Variants in SEC22B observed in about 807,000 individuals in gnomAD.
SEC22B encodes the protein vesicle-trafficking protein SEC22b.
SEC22B carries 10 observed loss-of-function variants against 31.4 expected under a neutral mutation model. The observed-to-expected ratio is 0.32, with a 90% CI of 0.20 to 0.54. SEC22B has a LOEUF of 0.54. SEC22B is among the 20% of genes least tolerant of loss of function. The probability of loss-of-function intolerance (pLI) is 0.94; values close to 1 mark genes in which losing one functional copy is unlikely to be tolerated. For missense variants in SEC22B, 130 were observed against 263.4 expected (o/e 0.49, Z 3.50); for synonymous variants, 60 against 95.9 (o/e 0.63, Z 2.19).
rs1470625122 is a variant in SEC22B, at chr1:120,175,706, C to G, written c.75+601G>C. 2.0e-5 allele frequency among the ~76,000 whole-genome samples: 3 copies of G among 152,146 alleles called. No individual in the cohort carries two copies. In the East Asian group the frequency reaches 5.8e-4, roughly 29 times the overall value. On this transcript the variant is annotated intron_variant, in intron 1 of 4. Transcript: ENST00000578049. Reference sequence around the variant, plus strand: ...GAGATGATTAAGACCCGTCGTTTGCCCGCTAGGAAACTCAAGTTATTGAAA... The same window carrying G: ...GAGATGATTAAGACCCGTCGTTTGCGCGCTAGGAAACTCAAGTTATTGAAA...
At chr1:120,159,365 G>A (rs1379874778) in intron 4 of SEC22B, 1 of 152,050 alleles carries the variant, frequency 6.6e-6, no homozygotes, top group Non-Finnish European at 1.5e-5. Flanking sequence ...AGGAGATGGT[G>A]GTTGCAGTGA....
chr1:120,166,430 C>CACA (rs1657810287), intron 2 of SEC22B, among the ~76,000 whole-genome samples: 1 of 150,088 alleles, frequency 6.7e-6, no homozygotes, highest in African/African-American at 2.5e-5. Context: ...CACACACACA[C>CACA]CATGGAATAC....
In SEC22B at chr1:120,168,797, T is replaced by C; in HGVS notation, c.185+43A>G. On this transcript the variant is annotated intron_variant, in intron 2 of 4. Transcript: ENST00000578049. ...TTTTTTATCAGGCATTCTGTTACTG[T>C]ATTTCACTTAAATGATCATAAAGAA... The C allele has an allele frequency of 6.7e-6, 5 of 751,098 alleles. 1 individual carries two copies. In the South Asian group the frequency reaches 1.8e-4, roughly 28 times the overall value. The allele number at this position is 751,098 out of a possible 1,614,324, so 46.5% of individuals were successfully genotyped here.
rs1657636386 is a variant in SEC22B at position 120,156,861 on chromosome 1, T to G, written c.*177A>C. 4.9e-6 allele frequency: 2 copies of G among 410,718 alleles called. No individual in the cohort carries two copies. Among genetic ancestry groups the G allele is most frequent in the Non-Finnish European group, 8.5e-6 (2 of 234,342 alleles). 25.4% of individuals were successfully genotyped at this position (410,718 alleles called of 1,614,324 possible). ...CCGAAAGAGACTTTCTACATAGGGTTAAGCTTCATTAAATGAGGTGCAACC... is the reference window on the plus strand; with the variant it reads ...CCGAAAGAGACTTTCTACATAGGGTGAAGCTTCATTAAATGAGGTGCAACC... On this transcript the variant is annotated 3_prime_UTR_variant, in exon 5 of 5. Coordinates refer to ENST00000578049, the MANE Select transcript of SEC22B (RefSeq NM_004892.6).
In SEC22B at chr1:120,153,150, G is replaced by C. The variant is rs1657572982; in HGVS notation, c.*3888C>G. The C allele has an allele frequency of 6.6e-6, 1 of 151,830 alleles. No homozygotes were observed. The highest frequency in any genetic ancestry group is 6.6e-5 in the Admixed American group (1 of 15,258). The allele number at this position is 151,830 out of a possible 1,614,324, so 9.4% of individuals were successfully genotyped here. A position where few individuals can be genotyped will look rare whatever the true frequency, so the allele number is the denominator to read the frequency against. On this transcript the variant is annotated 3_prime_UTR_variant, in exon 5 of 5. Transcript: ENST00000578049. ...GGTCAACGCTGCCTGACAGTAATAA[G>C]AATAGGATGTGAGATTCAATATGCT...
chr1:120,175,569 A>G, intron 1 of SEC22B, among the ~76,000 whole-genome samples: 1 of 152,192 alleles, frequency 6.6e-6, no homozygotes, highest in Non-Finnish European at 1.5e-5. Flanking sequence ...TCTAAAACAC[A>G]AAACATCTTT....
intron 3 of SEC22B, among the ~76,000 whole-genome samples, chr1:120,160,964 A>T (rs1297463506): frequency 2.0e-5 from 3 of 152,208 alleles, no homozygotes; most frequent in Middle Eastern, 3.4e-3. Flanking sequence ...GGTTAACCAA[A>T]CTCTTGGTTG....
In SEC22B at chr1:120,176,481, C is replaced by A; in HGVS notation, c.-100G>T. ...CAGTTATACCCTATGTCTCAGTTAC[C>A]GGAGATCCAGCTGCTTGCGTCTCCG... On this transcript the variant is annotated 5_prime_UTR_variant, in exon 1 of 5. Coordinates refer to ENST00000578049, the MANE Select transcript of SEC22B (RefSeq NM_004892.6). The A allele has an allele frequency of 9.3e-7, 1 of 1,071,254 alleles. No homozygotes were observed. 66.4% of individuals were successfully genotyped at this position (1,071,254 alleles called of 1,614,324 possible). A position where few individuals can be genotyped will look rare whatever the true frequency, so the allele number is the denominator to read the frequency against.
chr1:120,159,866 A>T (rs1657685259), intron 4 of SEC22B, among the ~76,000 whole-genome samples: 1 of 151,882 alleles, frequency 6.6e-6, no homozygotes, highest in African/African-American at 2.4e-5. Flanking sequence ...CTTATTTTCC[A>T]TATGTAGAGC....
rs1350129994 is a variant in SEC22B at position 120,151,859 on chromosome 1, A to C, written c.*5179T>G. The C allele has an allele frequency of 6.6e-6, 1 of 151,514 alleles. No homozygotes were observed. The highest frequency in any genetic ancestry group is 1.5e-5 in the Non-Finnish European group (1 of 67,960). The allele number at this position is 151,514 out of a possible 1,614,324, so 9.4% of individuals were successfully genotyped here. A position where few individuals can be genotyped will look rare whatever the true frequency, so the allele number is the denominator to read the frequency against. On this transcript the variant is annotated 3_prime_UTR_variant, in exon 5 of 5. Coordinates refer to ENST00000578049, the MANE Select transcript of SEC22B (RefSeq NM_004892.6). ...AGTTATATTAAAAAATTTTTGGTTA[A>C]TAGTCTAGTTAGAGGTGAAAGAAGA...
In SEC22B at chr1:120,163,346, A is replaced by G. The variant is rs1657749871; in HGVS notation, c.210T>C (p.Cys70=). The G allele has an allele frequency of 1.2e-6, 2 of 1,604,694 alleles. No homozygotes were observed. The highest frequency in any genetic ancestry group is 2.2e-5 in the East Asian group (1 of 44,580). Residue 70 remains cysteine, a synonymous_variant, in exon 3 of 5, where the codon TGT becomes TGC. Transcript: ENST00000578049. ...TFHYIIEQGV[C]YLVLCEAAFP... is the part of the protein sequence containing the mutation. ...AGGCAGCTTCACATAAAACCAAATA[A>G]CACACCCCCTGCTCAATAATGTAGC...
At chr1:120,163,945 C>CTCTCTTTTTT (rs1246293032) in intron 2 of SEC22B, among the ~76,000 whole-genome samples, 1 of 68,934 alleles carries the variant, frequency 1.5e-5, no homozygotes, top group African/African-American at 6.5e-5. Context: ...ATTAGATTCT[C>CTCTCTTTTTT]TTTTTTTTTT....
At chr1:120,157,279 T>C in intron 4 of SEC22B, 87 bp from the exon 5 acceptor site, 1 of 950,272 alleles carries the variant, frequency 1.1e-6, no homozygotes, top group South Asian at 3.0e-5. Flanking sequence ...TGAGCAGCAC[T>C]GCAACAACCA....
In SEC22B at chr1:120,151,498, T is replaced by C. The variant is rs1657537794; in HGVS notation, c.*5540A>G. On this transcript the variant is annotated 3_prime_UTR_variant, in exon 5 of 5. Coordinates refer to ENST00000578049, the MANE Select transcript of SEC22B (RefSeq NM_004892.6). ...GAGTTCAAGACGGTGAAACTCCATCTCTACTAAAAATACAAAAATTAGCCA... is the reference window on the plus strand; with the variant it reads ...GAGTTCAAGACGGTGAAACTCCATCCCTACTAAAAATACAAAAATTAGCCA... 1 of 152,134 alleles carries C rather than the reference T, an allele frequency of 6.6e-6. No individual in the cohort carries two copies. The highest frequency in any genetic ancestry group is 1.5e-5 in the Non-Finnish European group (1 of 68,070). 9.4% of individuals were successfully genotyped at this position (152,134 alleles called of 1,614,324 possible). A position where few individuals can be genotyped will look rare whatever the true frequency, so the allele number is the denominator to read the frequency against.
Position 120,155,813 on chromosome 1 carries a change from C to T in SEC22B, c.*1225G>A, listed in dbSNP as rs1189285541. The T allele has an allele frequency of 6.6e-6, 1 of 151,914 alleles. No individual in the cohort carries two copies. Among genetic ancestry groups the T allele is most frequent in the East Asian group, 1.9e-4 (1 of 5,186 alleles). 9.4% of individuals were successfully genotyped at this position (151,914 alleles called of 1,614,324 possible). A position where few individuals can be genotyped will look rare whatever the true frequency, so the allele number is the denominator to read the frequency against. On this transcript the variant is annotated 3_prime_UTR_variant, in exon 5 of 5. Coordinates refer to ENST00000578049, the MANE Select transcript of SEC22B (RefSeq NM_004892.6). ...AGGTAAAAGGAAATCTCCATCATCC[C>T]TGAGCAGAAAAGGAAAAAATCATGG...
chr1:120,163,486 T>C (rs1657752308), intron 2 of SEC22B, 116 bp from the exon 3 acceptor site: 1 of 532,660 alleles, frequency 1.9e-6, no homozygotes. Context: ...CTAAATACTT[T>C]GAGGCTGGCT....
intron 1 of SEC22B, among the ~76,000 whole-genome samples, chr1:120,170,544 C>T (rs1303268980): frequency 1.3e-5 from 2 of 151,478 alleles, no homozygotes; most frequent in Non-Finnish European, 2.9e-5. Context: ...TGAGGTGAAC[C>T]AGGGGAGATA....
intron 3 of SEC22B, among the ~76,000 whole-genome samples, chr1:120,160,897 CAA>C (rs1358538530): frequency 1.3e-4 from 18 of 137,854 alleles, no homozygotes; most frequent in African/African-American, 4.3e-4. Flanking sequence ...GTCTCAAAAA[CAA>C]AAAAAAAAAA....
intron 3 of SEC22B, among the ~76,000 whole-genome samples, chr1:120,162,007 G>A (rs1382250282): frequency 1.4e-5 from 2 of 140,538 alleles, no homozygotes; most frequent in Admixed American, 6.8e-5. Context: ...CAGACAGTGA[G>A]TGATGTCCGG....
Sources: allele counts gnomAD v4.1 joint callset (sites outside exome capture counted in the v4.1 genomes callset), GRCh38; gene constraint gnomAD v4.1.1; transcripts MANE v1.5; gene names NCBI Gene and HGNC (gene_info 2026-07-23, HGNC 2026-07-21).